LRRC1: variants seen among roughly 807,000 people sequenced by gnomAD.
LRRC1 encodes leucine-rich repeat-containing protein 1.
A neutral mutation model predicts 69.9 loss-of-function variants in LRRC1; 28 were observed. That is an observed-to-expected ratio of 0.40 (90% CI 0.30 to 0.55). The LOEUF (loss-of-function observed/expected upper bound fraction) is 0.55. Among genes scored for constraint, LRRC1 ranks in the 20% least tolerant of loss-of-function variants. The pLI is 0.47. For synonymous variants in LRRC1, 236 were observed against 240.2 expected (o/e 0.98, Z 0.16); for missense variants, 498 against 609.0 (o/e 0.82, Z 1.92).
rs1163508314 is a variant in LRRC1 at position 53,812,712 on chromosome 6, A to AG, written c.159+17297_159+17298insG. On this transcript the variant is annotated intron_variant, in intron 1 of 13. Coordinates refer to ENST00000370888, the MANE Select transcript of LRRC1 (RefSeq NM_018214.5). ...CTCAAAAAAAAAAAAAAAAAAAAAA[A>AG]AATTTGAAGAAAGAGGGGAAGGATG... 7.1e-3 allele frequency among the ~76,000 whole-genome samples: 997 copies of AG among 139,778 alleles called. 38 individuals are homozygous for AG. Among genetic ancestry groups the AG allele is most frequent in the East Asian group, 0.034 (168 of 4,948 alleles). The allele number at this position is 139,778 out of a possible 152,430, so 91.7% of individuals were successfully genotyped here. A position where few individuals can be genotyped will look rare whatever the true frequency, so the allele number is the denominator to read the frequency against.
chr6:53,847,447 T>C (rs1765983061), intron 2 of LRRC1, among the ~76,000 whole-genome samples: 2 of 152,208 alleles, frequency 1.3e-5, no homozygotes, highest in Non-Finnish European at 2.9e-5. Flanking sequence ...TGAATTTATT[T>C]CTCTTATGGG....
intron 1 of LRRC1, among the ~76,000 whole-genome samples, chr6:53,814,354 G>T (rs1422909101): frequency 6.6e-6 from 1 of 152,194 alleles, no homozygotes; most frequent in East Asian, 1.9e-4. Context: ...CACTCTGTGG[G>T]TTTTACTCAA....
intron 11 of LRRC1, 27 bp from the exon 12 acceptor site, chr6:53,919,468 CTCT>C (rs1427328705): frequency 2.9e-5 from 38 of 1,318,732 alleles, no homozygotes; most frequent in Non-Finnish European, 3.6e-5. Flanking sequence ...GTTGTGATGT[CTCT>C]TTTTTTAAAA....
intron 4 of LRRC1, among the ~76,000 whole-genome samples, chr6:53,887,871 G>T (rs1767540478): frequency 6.6e-6 from 1 of 152,172 alleles, no homozygotes; most frequent in Non-Finnish European, 1.5e-5. Flanking sequence ...ATGCAGTGGG[G>T]TCTTACTGAG....
Position 53,830,232 on chromosome 6 carries a change from G to A in LRRC1, c.160-11878G>A, listed in dbSNP as rs554738514. On this transcript the variant is annotated intron_variant, in intron 1 of 13. Coordinates refer to ENST00000370888, the MANE Select transcript of LRRC1 (RefSeq NM_018214.5). ...GTAAACAGTAAAAATAAAATGTAAAGACTGTCTGTCAAAAGGAGCAGTTTT... is the reference window on the plus strand; with the variant it reads ...GTAAACAGTAAAAATAAAATGTAAAAACTGTCTGTCAAAAGGAGCAGTTTT... Among the ~76,000 whole-genome samples, 7 of 152,320 alleles carry A rather than the reference G, an allele frequency of 4.6e-5. No homozygotes were observed. In the South Asian group the frequency reaches 1.5e-3, roughly 32 times the overall value.
chr6:53,819,385 A>G (rs919714453), intron 1 of LRRC1, among the ~76,000 whole-genome samples: 1 of 152,274 alleles, frequency 6.6e-6, no homozygotes, highest in Admixed American at 6.5e-5. Context: ...CTTGAAAAGT[A>G]CTTAAAGAAG....
chr6:53,853,358 C>A (rs545772670), intron 2 of LRRC1, among the ~76,000 whole-genome samples: 1 of 146,678 alleles, frequency 6.8e-6, no homozygotes, highest in African/African-American at 2.5e-5. Context: ...GATCTCGGCT[C>A]ACTGCAACCT....
At chr6:53,896,419 G>T in intron 4 of LRRC1, 79 bp from the exon 5 acceptor site, 1 of 1,179,468 alleles carries the variant, frequency 8.5e-7, no homozygotes, top group Non-Finnish European at 1.3e-6. Context: ...AACTTGTCCA[G>T]TGTGTGTATG....
chr6:53,873,085 A>G (rs1766948252), intron 2 of LRRC1, among the ~76,000 whole-genome samples: 1 of 151,908 alleles, frequency 6.6e-6, no homozygotes, highest in African/African-American at 2.4e-5. Context: ...ACCCATAAGC[A>G]CAGTATATCT....
At chr6:53,883,124 C>T (rs1767355507) in intron 4 of LRRC1, 148 bp downstream of exon 4, 1 of 583,734 alleles carries the variant, frequency 1.7e-6, no homozygotes, top group Non-Finnish European at 3.0e-6. Context: ...AAGATTATAG[C>T]CAGCCTCCTA....
At chr6:53,897,097 T>A (rs1187536944) in intron 6 of LRRC1, among the ~76,000 whole-genome samples, 188 bp from the exon 7 acceptor site, 1 of 152,088 alleles carries the variant, frequency 6.6e-6, no homozygotes, top group Non-Finnish European at 1.5e-5. Context: ...TGGACATAGG[T>A]GGAAACAACT....
At chr6:53,851,883 A>G (rs1208421739) in intron 2 of LRRC1, among the ~76,000 whole-genome samples, 1 of 152,238 alleles carries the variant, frequency 6.6e-6, no homozygotes, top group African/African-American at 2.4e-5. Flanking sequence ...AACATGATTG[A>G]TGGCCACTGA....
intron 10 of LRRC1, among the ~76,000 whole-genome samples, chr6:53,913,292 A>G (rs1768469293): frequency 6.6e-6 from 1 of 152,134 alleles, no homozygotes; most frequent in South Asian, 2.1e-4. Flanking sequence ...AATGACCAAA[A>G]GCTATTAAAA....
At chr6:53,837,451 G>A (rs1247974294) in intron 1 of LRRC1, among the ~76,000 whole-genome samples, 1 of 152,146 alleles carries the variant, frequency 6.6e-6, no homozygotes, top group Non-Finnish European at 1.5e-5. Context: ...GAGTTATGTA[G>A]GATGAAAAGG....
intron 1 of LRRC1, among the ~76,000 whole-genome samples, chr6:53,799,808 G>C (rs997772887): frequency 6.6e-6 from 1 of 152,150 alleles, no homozygotes; most frequent in African/African-American, 2.4e-5. Context: ...GGGCAGGGCA[G>C]CTATTCTTTC....
At chr6:53,842,047 G>GT in intron 1 of LRRC1, 63 bp from the exon 2 acceptor site, 1 of 1,028,892 alleles carries the variant, frequency 9.7e-7, no homozygotes. Context: ...ACATTTCATA[G>GT]TAGCCCAAAA....
intron 1 of LRRC1, among the ~76,000 whole-genome samples, chr6:53,813,017 G>GGGAGT (rs1372895643): frequency 1.3e-5 from 2 of 152,090 alleles, no homozygotes; most frequent in Non-Finnish European, 1.5e-5. Context: ...CTATGGAATA[G>GGGAGT]GGAGTGGCTG....
At chr6:53,800,907 T>C (rs919689689) in intron 1 of LRRC1, among the ~76,000 whole-genome samples, 2 of 152,254 alleles carry the variant, frequency 1.3e-5, no homozygotes, top group Non-Finnish European at 2.9e-5. Context: ...CCCAAAGTGC[T>C]GGGATTACAG....
chr6:53,874,731 A>C (rs1012420651), intron 2 of LRRC1, among the ~76,000 whole-genome samples: 2 of 152,222 alleles, frequency 1.3e-5, no homozygotes, highest in African/African-American at 4.8e-5. Flanking sequence ...TGGAAGAAAC[A>C]GCAAGAACCA....
Sources: gnomAD v4.1 joint callset for allele counts (sites outside exome capture counted in the v4.1 genomes callset) on GRCh38, gnomAD v4.1.1 for gene constraint, MANE v1.5 for transcripts, NCBI Gene and HGNC (gene_info 2026-07-23, HGNC 2026-07-21) for gene names.